SLCO1A2: variants seen among roughly 807,000 people sequenced by gnomAD.
SLCO1A2 encodes OATP-1.
SLCO1A2 carries 67 observed loss-of-function variants against 69.0 expected under a neutral mutation model. The observed-to-expected ratio is 0.97, with a 90% CI of 0.80 to 1.19. SLCO1A2 has a LOEUF of 1.19. Ranked by LOEUF, SLCO1A2 falls within the 50% of genes most tolerant of loss-of-function variation. SLCO1A2 has a pLI of 0.00. For missense variants in SLCO1A2, 787 were observed against 793.7 expected, an observed-to-expected ratio of 0.99 and a Z score of 0.10; for synonymous variants, 260 against 265.9, an observed-to-expected ratio of 0.98 and a Z score of 0.22.
upstream of SLCO1A2, among the ~76,000 whole-genome samples, chr12:21,337,734 A>G (rs991942341): frequency 2.6e-5 from 4 of 152,002 alleles, no homozygotes; most frequent in African/African-American, 4.8e-5. Flanking sequence ...TTGTCTACCA[A>G]ATTATTTTAC....
At chr12:21,289,573 CA>C (rs1301482822) in intron 12 of SLCO1A2, among the ~76,000 whole-genome samples, 1 of 152,048 alleles carries the variant, frequency 6.6e-6, no homozygotes, top group Non-Finnish European at 1.5e-5. Flanking sequence ...TAAACATATC[CA>C]CATGCCAGGA....
At chr12:21,400,705 T>A (rs1332098913) in intron 1 of SLCO1A2, among the ~76,000 whole-genome samples, 1 of 147,646 alleles carries the variant, frequency 6.8e-6, no homozygotes, top group East Asian at 2.0e-4. Context: ...CCATAAAAAA[T>A]GATGAGTTCA....
chr12:21,390,902 G>A (rs1018627540), intron 1 of SLCO1A2, among the ~76,000 whole-genome samples: 2 of 152,140 alleles, frequency 1.3e-5, no homozygotes, highest in African/African-American at 4.8e-5. Flanking sequence ...TCACTGAAAA[G>A]TTGTCAGCCT....
intron 1 of SLCO1A2, among the ~76,000 whole-genome samples, chr12:21,400,876 G>T (rs914579563): frequency 9.3e-6 from 1 of 107,158 alleles, no homozygotes; most frequent in Non-Finnish European, 1.8e-5. Context: ...GGGGACTGTT[G>T]TGGGGTGGGG....
intron 3 of SLCO1A2, among the ~76,000 whole-genome samples, chr12:21,316,077 A>C (rs1319870031): frequency 6.6e-6 from 1 of 152,214 alleles, no homozygotes; most frequent in Non-Finnish European, 1.5e-5. Context: ...CTAGTGGTAG[A>C]AATTGTTAAT....
chr12:21,396,096 A>C (rs1941445118), upstream of SLCO1A2, among the ~76,000 whole-genome samples: 1 of 151,940 alleles, frequency 6.6e-6, no homozygotes, highest in Admixed American at 6.6e-5. Context: ...GGACATTCAA[A>C]CCAAAGGCAA....
intron 2 of SLCO1A2, among the ~76,000 whole-genome samples, chr12:21,366,691 C>G (rs2045941): frequency 0.32 from 49,033 of 151,682 alleles, 8,230 homozygotes; most frequent in East Asian, 0.46. Flanking sequence ...TCAGAGATAA[C>G]GATGGATATT....
At chr12:21,376,819 G>A (rs898553927) in intron 1 of SLCO1A2, among the ~76,000 whole-genome samples, 3 of 151,962 alleles carry the variant, frequency 2.0e-5, no homozygotes, top group African/African-American at 7.2e-5. Flanking sequence ...ACTGGCTCCT[G>A]GACATTGAGT....
chr12:21,299,934 CTCTCCTCT>C (rs1237947063), intron 8 of SLCO1A2, among the ~76,000 whole-genome samples: 1 of 132,714 alleles, frequency 7.5e-6, no homozygotes, highest in Non-Finnish European at 1.5e-5. Context: ...ATGACCCTCT[CTCTCCTCT>C]CTCTCATATA....
intron 1 of SLCO1A2, among the ~76,000 whole-genome samples, chr12:21,381,782 G>A (rs1359734337): frequency 3.3e-5 from 5 of 152,146 alleles, no homozygotes; most frequent in African/African-American, 4.8e-5. Flanking sequence ...GCTACAGAGC[G>A]AGACTCCGTC....
At chr12:21,402,722 T>C (rs753101441) in intron 1 of SLCO1A2, among the ~76,000 whole-genome samples, 20 of 152,102 alleles carry the variant, frequency 1.3e-4, no homozygotes, top group Non-Finnish European at 2.8e-4. Context: ...CAAGTCCACA[T>C]ATGTAGGTAA....
intron 12 of SLCO1A2, among the ~76,000 whole-genome samples, chr12:21,275,898 C>A (rs572465803): frequency 1.3e-5 from 2 of 151,666 alleles, no homozygotes; most frequent in African/African-American, 2.4e-5. Flanking sequence ...GCTGAAATTG[C>A]GCCACTGCAC....
intron 1 of SLCO1A2, among the ~76,000 whole-genome samples, chr12:21,408,970 G>A (rs1437155251): frequency 6.6e-6 from 1 of 152,182 alleles, no homozygotes; most frequent in African/African-American, 2.4e-5. Flanking sequence ...CTTATAAAAA[G>A]GCGGCAGAGG....
At chr12:21,363,517 C>G (rs1939107268) in intron 2 of SLCO1A2, among the ~76,000 whole-genome samples, 3 of 152,206 alleles carry the variant, frequency 2.0e-5, no homozygotes, top group South Asian at 4.1e-4. Context: ...CATTCAAAAG[C>G]TAGCAGAAGG....
intron 1 of SLCO1A2, among the ~76,000 whole-genome samples, chr12:21,404,843 A>G (rs983640778): frequency 1.3e-5 from 2 of 152,198 alleles, no homozygotes; most frequent in African/African-American, 4.8e-5. Flanking sequence ...ACCAATTTAC[A>G]TTCCCACCAA....
chr12:21,398,668 T>C (rs927095311), upstream of SLCO1A2, among the ~76,000 whole-genome samples: 5 of 151,668 alleles, frequency 3.3e-5, no homozygotes, highest in Non-Finnish European at 5.9e-5. Flanking sequence ...ATCAAAAAGC[T>C]TATCCACCAT....
chr12:21,390,322 C>T (rs1037635522), intron 1 of SLCO1A2, among the ~76,000 whole-genome samples: 4 of 151,894 alleles, frequency 2.6e-5, no homozygotes, highest in African/African-American at 4.8e-5. Flanking sequence ...TTTTACTCAA[C>T]GAACATTGTC....
chr12:21,379,004 G>T (rs1353502165), intron 1 of SLCO1A2: 1 of 152,554 alleles, frequency 6.6e-6, no homozygotes, highest in East Asian at 1.9e-4. Context: ...AAACCCAGGA[G>T]GCGGAGGTTG....
Position 21,294,054 on chromosome 12 carries a change from C to A in SLCO1A2, c.1328G>T (p.Cys443Phe). 6.2e-7 allele frequency: 1 copy of A among 1,610,018 alleles called. No individual in the cohort carries two copies. The highest frequency in any genetic ancestry group is 8.5e-7 in the Non-Finnish European group (1 of 1,178,270). The change falls in exon 11 of 15, where the codon TGC (cysteine) becomes TTC (phenylalanine). Residue 443 changes from cysteine to phenylalanine, a missense_variant. Cys to Phe is a radical substitution (Grantham distance 205). Coordinates refer to ENST00000683939, the MANE Select transcript of SLCO1A2 (RefSeq NM_001386879.1). ...ATCCCATATTTTAGATGGACAGTTG[C>A]AATCCACATTGCAATCAGCAAAGAT... ...NDIFADCNVD[C>F]NCPSKIWDPV...
Sources: allele counts gnomAD v4.1 joint callset (sites outside exome capture counted in the v4.1 genomes callset), GRCh38; gene constraint gnomAD v4.1.1; transcripts MANE v1.5; gene names NCBI Gene and HGNC (gene_info 2026-07-23, HGNC 2026-07-21).